The following ASCL5 variants were observed in gnomAD, a reference collection of about 807,000 sequenced individuals.
The protein encoded by ASCL5 is achaete-scute family bHLH transcription factor 5.
For synonymous variants in ASCL5, 124 were observed against 131.5 expected, an observed-to-expected ratio of 0.94 and a Z score of 0.39; for missense variants, 262 against 268.9, an observed-to-expected ratio of 0.97 and a Z score of 0.18.
chr1:201,125,222 G>A (rs975949788), intron 1 of ASCL5, among the ~76,000 whole-genome samples: 2 of 152,148 alleles, frequency 1.3e-5, no homozygotes, highest in Admixed American at 6.5e-5. Flanking sequence ...ATGAAAACAC[G>A]CTGGCACGCT....
Position 201,124,892 on chromosome 1 carries a change from C to T in ASCL5, c.-506+2192G>A, listed in dbSNP as rs185776352. Among the ~76,000 whole-genome samples, 740 of 152,332 alleles carry T rather than the reference C, an allele frequency of 4.9e-3. 9 individuals are homozygous for T. Among genetic ancestry groups the T allele is most frequent in the African/African-American group, 0.016 (677 of 41,560 alleles). ...GGTAGACCATGGCCCTGGTTCTCCA[C>T]TGCCCCCACCCCAGTTTCCCCTCCT... On this transcript the variant is annotated intron_variant, in intron 1 of 1. Coordinates refer to ENST00000449188, the MANE Select transcript of ASCL5 (RefSeq NM_001270601.2).
chr1:201,117,162 A>G lies in ASCL5; in HGVS notation c.-505-1285T>C, dbSNP rs558610333. Among the ~76,000 whole-genome samples the G allele has an allele frequency of 4.7e-4, 72 of 152,332 alleles. No individual in the cohort carries two copies. In the South Asian group the frequency reaches 0.014, roughly 30 times the overall value. Reference sequence around the variant, plus strand: ...TCTCAAAAGTGAAACCAGGCCGGGCATGGTGGCTCACGCCTGTAGTCCCAG... The same window carrying G: ...TCTCAAAAGTGAAACCAGGCCGGGCGTGGTGGCTCACGCCTGTAGTCCCAG... On this transcript the variant is annotated intron_variant, in intron 1 of 1. Coordinates refer to ENST00000449188, the MANE Select transcript of ASCL5 (RefSeq NM_001270601.2).
intron 1 of ASCL5, among the ~76,000 whole-genome samples, chr1:201,124,873 C>T (rs1445883597): frequency 6.6e-6 from 1 of 152,192 alleles, no homozygotes; most frequent in Non-Finnish European, 1.5e-5. Context: ...CCAGGGTAGA[C>T]CATGGCCCTG....
chr1:201,119,727 A>C (rs1663411934), intron 1 of ASCL5, among the ~76,000 whole-genome samples: 1 of 152,192 alleles, frequency 6.6e-6, no homozygotes, highest in Admixed American at 6.5e-5. Flanking sequence ...TAGCAGTTGC[A>C]TCAGCATTAG....
intron 1 of ASCL5, among the ~76,000 whole-genome samples, chr1:201,122,604 G>A (rs746865078): frequency 2.0e-5 from 3 of 152,140 alleles, no homozygotes; most frequent in Non-Finnish European, 4.4e-5. Context: ...GTTGATATGA[G>A]GACTTTCTTG....
intron 1 of ASCL5, among the ~76,000 whole-genome samples, chr1:201,124,657 G>C (rs758590814): frequency 1.3e-5 from 2 of 152,234 alleles, no homozygotes; most frequent in Non-Finnish European, 2.9e-5. Context: ...CAGAGAATTC[G>C]TAGGTGGGAA....
Position 201,114,595 on chromosome 1 carries a change from G to T in ASCL5, c.*157C>A. 1.7e-6 allele frequency: 1 copy of T among 589,964 alleles called. No individual in the cohort carries two copies. Among genetic ancestry groups the T allele is most frequent in the Non-Finnish European group, 2.5e-6 (1 of 405,058 alleles). The allele number at this position is 589,964 out of a possible 1,614,324, so 36.5% of individuals were successfully genotyped here. On this transcript the variant is annotated 3_prime_UTR_variant, in exon 2 of 2. Coordinates refer to ENST00000449188, the MANE Select transcript of ASCL5 (RefSeq NM_001270601.2). ...CCCTGCACTTCCGCCCCAAGCTGGT[G>T]GAGGAGGGAGGGTGTCGCAGACACG...
chr1:201,124,058 T>C (rs1324438878), intron 1 of ASCL5, among the ~76,000 whole-genome samples: 1 of 152,244 alleles, frequency 6.6e-6, no homozygotes, highest in African/African-American at 2.4e-5. Context: ...CATCATTGGT[T>C]ACACACATAG....
chr1:201,125,497 T>C (rs1354202873), intron 1 of ASCL5, among the ~76,000 whole-genome samples: 2 of 152,100 alleles, frequency 1.3e-5, no homozygotes, highest in Non-Finnish European at 2.9e-5. Context: ...CTGGAAGCTG[T>C]TTGGGTCTTT....
rs960389506 is a variant in ASCL5 at position 201,114,827 on chromosome 1, G to A, written c.546C>T (p.Ser182=). The part of the protein sequence containing the change: ...PGDGEARAPS[S]LVPESSESSC... ...AGGACTCGGATGACTCCGGCACCAG[G>A]GAGGAGGGCGCCCGGGCCTCGCCGT... The change falls in exon 2 of 2, where the codon TCC becomes TCT. Residue 182 remains serine, a synonymous_variant. Coordinates refer to ENST00000449188, the MANE Select transcript of ASCL5 (RefSeq NM_001270601.2). 3 of 1,230,628 alleles carry A rather than the reference G, an allele frequency of 2.4e-6. No individual in the cohort carries two copies. Among genetic ancestry groups the A allele is most frequent in the Non-Finnish European group, 3.0e-6 (3 of 987,364 alleles). The allele number at this position is 1,230,628 out of a possible 1,614,324, so 76.2% of individuals were successfully genotyped here. A position where few individuals can be genotyped will look rare whatever the true frequency, so the allele number is the denominator to read the frequency against.
rs1005396831 is a variant in ASCL5 at position 201,114,562 on chromosome 1, A to T, written c.*190T>A. On this transcript the variant is annotated 3_prime_UTR_variant, in exon 2 of 2. Coordinates refer to ENST00000449188, the MANE Select transcript of ASCL5 (RefSeq NM_001270601.2). ...CCTAGGTCTCTATCGTGCCCATCGT[A>T]CCCGCTGCCCTGCACTTCCGCCCCA... is the stretch of plus-strand genomic sequence containing the variant. 1 of 443,028 alleles carries T rather than the reference A, an allele frequency of 2.3e-6. No individual in the cohort carries two copies. Among genetic ancestry groups the T allele is most frequent in the African/African-American group, 2.0e-5 (1 of 49,094 alleles). 27.4% of individuals were successfully genotyped at this position (443,028 alleles called of 1,614,324 possible). A position where few individuals can be genotyped will look rare whatever the true frequency, so the allele number is the denominator to read the frequency against.
intron 1 of ASCL5, among the ~76,000 whole-genome samples, chr1:201,119,200 C>T (rs1447264195): frequency 6.6e-6 from 1 of 152,218 alleles, no homozygotes; most frequent in Non-Finnish European, 1.5e-5. Flanking sequence ...GAGGGTAGCA[C>T]CCCCTTGAAG....
chr1:201,118,091 CT>C (rs1297293320), intron 1 of ASCL5, among the ~76,000 whole-genome samples: 1 of 152,056 alleles, frequency 6.6e-6, no homozygotes, highest in African/African-American at 2.4e-5. Flanking sequence ...TACTATTTAC[CT>C]TTTTTCATAC....
intron 1 of ASCL5, among the ~76,000 whole-genome samples, chr1:201,121,697 G>A (rs1464414669): frequency 1.3e-5 from 2 of 152,062 alleles, no homozygotes; most frequent in African/African-American, 4.8e-5. Context: ...TGGATGTGGT[G>A]ATGCATGCCT....
intron 1 of ASCL5, among the ~76,000 whole-genome samples, chr1:201,124,424 G>A (rs1663540710): frequency 1.3e-5 from 2 of 152,220 alleles, no homozygotes; most frequent in South Asian, 4.1e-4. Context: ...CTAGGCTCCA[G>A]TGCCAAGCTC....
intron 1 of ASCL5, among the ~76,000 whole-genome samples, chr1:201,123,606 C>T (rs971580440): frequency 2.6e-5 from 4 of 152,268 alleles, no homozygotes; most frequent in Middle Eastern, 3.4e-3. Context: ...TCAAGGGATC[C>T]TTTCTACACT....
intron 1 of ASCL5, among the ~76,000 whole-genome samples, chr1:201,121,921 T>C (rs567508650): frequency 1.1e-4 from 17 of 152,230 alleles, no homozygotes; most frequent in African/African-American, 3.9e-4. Context: ...TACATATTTC[T>C]AGAAGGATAA....
At chr1:201,117,984 T>A (rs936142536) in intron 1 of ASCL5, among the ~76,000 whole-genome samples, 2 of 152,258 alleles carry the variant, frequency 1.3e-5, no homozygotes, top group Non-Finnish European at 2.9e-5. Context: ...TTAAATTTAA[T>A]TTGATAGGGG....
chr1:201,116,568 G>T (rs898932250), intron 1 of ASCL5, among the ~76,000 whole-genome samples: 3 of 152,224 alleles, frequency 2.0e-5, no homozygotes, highest in Admixed American at 6.5e-5. Flanking sequence ...ACAAATACAT[G>T]TGGAATAACA....
Sources: allele counts gnomAD v4.1 joint callset (sites outside exome capture counted in the v4.1 genomes callset), GRCh38; gene constraint gnomAD v4.1.1; transcripts MANE v1.5; gene names NCBI Gene and HGNC (gene_info 2026-07-23, HGNC 2026-07-21).